OPHN1: variants seen among roughly 807,000 people sequenced by gnomAD.
The protein encoded by OPHN1 is oligophrenin 1.
A neutral mutation model predicts 60.7 loss-of-function variants in OPHN1; 11 were observed. That is an observed-to-expected ratio of 0.18 (90% CI 0.11 to 0.30). The LOEUF is 0.30. Among genes scored for constraint, OPHN1 ranks in the 10% least tolerant of loss-of-function variants. The probability of loss-of-function intolerance (pLI) is 1.00; values close to 1 mark genes in which losing one functional copy is unlikely to be tolerated. For synonymous variants in OPHN1, 226 were observed against 222.6 expected (o/e 1.02, Z -0.14); for missense variants, 449 against 611.0 (o/e 0.73, Z 2.80).
intron 2 of OPHN1, among the ~76,000 whole-genome samples, chrX:68,365,341 G>A (rs1379172696): frequency 9.0e-6 from 1 of 110,862 alleles, no homozygotes. Context: ...AGGTATAGGA[G>A]ATGAAAGAGC....
chrX:68,209,992 C>CT lies in OPHN1; in HGVS notation c.832+160dup, dbSNP rs57516402. 1.0e-3 allele frequency: 439 copies of CT among 440,535 alleles called. 1 individual carries two copies. Among genetic ancestry groups the CT allele is most frequent in the African/African-American group, 5.8e-3 (213 of 36,700 alleles). 36.3% of individuals were successfully genotyped at this position (440,535 alleles called of 1,213,427 possible). ...ATCTTTAACTTCCTCTCAGTTTCTC[C>CT]TTTTTTTTTTTTTGTTTTCAGTATT... On this transcript the variant is annotated intron_variant, in intron 9 of 24. Transcript: ENST00000355520.
At chrX:68,083,054 C>CT (rs869083899) in intron 19 of OPHN1, among the ~76,000 whole-genome samples, 3,728 of 37,078 alleles carry the variant, frequency 0.1, 1,135 homozygotes, top group Middle Eastern at 0.15. Flanking sequence ...CTGCTAGTTT[C>CT]TTTTTTTTTT....
intron 3 of OPHN1, among the ~76,000 whole-genome samples, chrX:68,290,990 T>C (rs1306869544): frequency 9.0e-6 from 1 of 111,670 alleles, no homozygotes; most frequent in Non-Finnish European, 1.9e-5. Flanking sequence ...ATGTTTATAT[T>C]ATAATGCAAA....
rs1487823533 is a variant in OPHN1, at chrX:68,155,739, C to T, written c.1277-36407G>A. 7.2e-5 allele frequency among the ~76,000 whole-genome samples: 8 copies of T among 111,549 alleles called. No homozygotes were observed. The Admixed American group carries it at 7.6e-4, about 11-fold the overall frequency. Reference sequence around the variant, plus strand: ...CATACTCTGCCCTGTGTAGGCTGTGCTTCTGATATCTTACTAGAAAACCCA... The same window carrying T: ...CATACTCTGCCCTGTGTAGGCTGTGTTTCTGATATCTTACTAGAAAACCCA... On this transcript the variant is annotated intron_variant, in intron 15 of 24. Coordinates refer to ENST00000355520, the MANE Select transcript of OPHN1 (RefSeq NM_002547.3).
chrX:68,129,448 A>T (rs1277473904), intron 15 of OPHN1, among the ~76,000 whole-genome samples: 1 of 112,142 alleles, frequency 8.9e-6, no homozygotes, highest in African/African-American at 3.2e-5. Context: ...TAAAAAAATA[A>T]TAATGTCTCA....
intron 2 of OPHN1, among the ~76,000 whole-genome samples, chrX:68,304,272 C>T (rs900968231): frequency 2.7e-5 from 3 of 110,116 alleles, no homozygotes; most frequent in Non-Finnish European, 5.7e-5. Flanking sequence ...ATGATTATAC[C>T]ATTTTGCATT....
intron 20 of OPHN1, among the ~76,000 whole-genome samples, chrX:68,070,247 T>A (rs2076928058): frequency 8.9e-6 from 1 of 111,842 alleles, no homozygotes; most frequent in Admixed American, 9.4e-5. Flanking sequence ...TCACTTTTTT[T>A]TTAACAGGCA....
intron 2 of OPHN1, among the ~76,000 whole-genome samples, chrX:68,365,584 T>C (rs2078494160): frequency 9.0e-6 from 1 of 111,436 alleles, no homozygotes; most frequent in African/African-American, 3.3e-5. Context: ...GCTGCTACCT[T>C]TCCCTCAGCC....
intron 20 of OPHN1, among the ~76,000 whole-genome samples, chrX:68,069,438 C>T (rs1006204070): frequency 9.0e-6 from 1 of 111,290 alleles, no homozygotes; most frequent in Non-Finnish European, 1.9e-5. Flanking sequence ...CCAATGTTCC[C>T]CTCCACTTTC....
chrX:68,424,816 A>G (rs760374653), intron 2 of OPHN1, among the ~76,000 whole-genome samples: 3 of 111,797 alleles, frequency 2.7e-5, no homozygotes, highest in Non-Finnish European at 3.8e-5. Context: ...TCACTTTTCA[A>G]TCCTAGTTCC....
chrX:68,370,563 G>A (rs1335751890), intron 2 of OPHN1, among the ~76,000 whole-genome samples: 1 of 109,904 alleles, frequency 9.1e-6, no homozygotes, highest in Non-Finnish European at 1.9e-5. Flanking sequence ...TAAGACATAA[G>A]GATCTCTGGT....
intron 21 of OPHN1, among the ~76,000 whole-genome samples, chrX:68,063,212 A>C (rs1321366325): frequency 4.5e-5 from 5 of 110,872 alleles, no homozygotes; most frequent in African/African-American, 1.3e-4. Flanking sequence ...AAACAAACAA[A>C]AAAAAAAACA....
chrX:68,390,182 G>A (rs1187032675), intron 2 of OPHN1, among the ~76,000 whole-genome samples: 1 of 111,491 alleles, frequency 9.0e-6, no homozygotes, highest in Non-Finnish European at 1.9e-5. Flanking sequence ...TGGGGATTAT[G>A]GGAACTATAA....
At position 68,371,927 on chromosome X, in the gene OPHN1, T is replaced by C. The variant is rs1432802866; in HGVS notation, c.154+60940A>G. Reference sequence around the variant, plus strand: ...ACCCGGCTAATTTTTGTATTTTTAGTAGAGACGGGGTTTCACCATGTTGGC... The same window carrying C: ...ACCCGGCTAATTTTTGTATTTTTAGCAGAGACGGGGTTTCACCATGTTGGC... On this transcript the variant is annotated intron_variant, in intron 2 of 24. Coordinates refer to ENST00000355520, the MANE Select transcript of OPHN1 (RefSeq NM_002547.3). Among the ~76,000 whole-genome samples, 4 of 111,645 alleles carry C rather than the reference T, an allele frequency of 3.6e-5. No individual in the cohort carries two copies. In the East Asian group the frequency reaches 1.1e-3, roughly 32 times the overall value.
intron 15 of OPHN1, among the ~76,000 whole-genome samples, chrX:68,146,061 TC>T (rs2077262566): frequency 8.9e-6 from 1 of 112,297 alleles, no homozygotes; most frequent in Admixed American, 9.5e-5. Context: ...AATTGTCAAC[TC>T]CTATAATAGT....
chrX:68,375,631 G>T (rs1239109237), intron 2 of OPHN1, among the ~76,000 whole-genome samples: 1 of 110,858 alleles, frequency 9.0e-6, no homozygotes, highest in Admixed American at 9.7e-5. Context: ...GTCCAGGATG[G>T]TCTTGAACTC....
intron 6 of OPHN1, among the ~76,000 whole-genome samples, chrX:68,226,292 T>C (rs952391516): frequency 8.9e-6 from 1 of 111,806 alleles, no homozygotes; most frequent in African/African-American, 3.3e-5. Context: ...TGGAACCAAG[T>C]TGGAAAACAC....
chrX:68,380,633 T>G (rs2078591206), intron 2 of OPHN1, among the ~76,000 whole-genome samples: 2 of 111,389 alleles, frequency 1.8e-5, no homozygotes, highest in Admixed American at 1.9e-4. Flanking sequence ...TGTTGTGTCT[T>G]TGTTCTCATT....
At chrX:68,394,797 C>G (rs1246435767) in intron 2 of OPHN1, among the ~76,000 whole-genome samples, 2 of 111,238 alleles carry the variant, frequency 1.8e-5, no homozygotes, top group African/African-American at 3.3e-5. Flanking sequence ...CAGGCACGCG[C>G]TACCACGCCC....
Sources: gnomAD v4.1 joint callset for allele counts (sites outside exome capture counted in the v4.1 genomes callset) on GRCh38, gnomAD v4.1.1 for gene constraint, MANE v1.5 for transcripts, NCBI Gene and HGNC (gene_info 2026-07-23, HGNC 2026-07-21) for gene names.